Variants in LDLRAD4 observed in about 807,000 individuals in gnomAD.
LDLRAD4 encodes low-density lipoprotein receptor class A domain-containing protein 4.
Under a neutral mutation model 17.0 loss-of-function variants are expected in LDLRAD4, and 5 were observed. That is an observed-to-expected ratio of 0.29 (90% CI 0.15 to 0.62). LDLRAD4 has a LOEUF of 0.62. LDLRAD4 is among the 20% of genes least tolerant of loss of function. LDLRAD4 has a pLI of 0.84. For missense variants in LDLRAD4, 340 were observed against 424.7 expected (o/e 0.80, Z 1.75); for synonymous variants, 168 against 171.8 (o/e 0.98, Z 0.17).
In LDLRAD4 at chr18:13,386,373, ATT is replaced by A. The variant is rs5823250; in HGVS notation, c.-382-957_-382-956del. ...TGTAAAATGCTTTTATTATTATTCT[ATT>A]TTTTTTTTTTGAGATGGAGTTTTGC... On this transcript the variant is annotated intron_variant, in intron 1 of 5. Transcript: ENST00000359446. 6.9e-3 allele frequency among the ~76,000 whole-genome samples: 1,028 copies of A among 148,238 alleles called. 16 individuals are homozygous for A. The highest frequency in any genetic ancestry group is 0.024 in the African/African-American group (963 of 40,526).
At chr18:13,508,078 G>A (rs978892203) in intron 3 of LDLRAD4, among the ~76,000 whole-genome samples, 6 of 149,254 alleles carry the variant, frequency 4.0e-5, no homozygotes, top group Non-Finnish European at 7.4e-5. Context: ...TTGTTGACAT[G>A]AAGAAAGTTT....
intron 3 of LDLRAD4, among the ~76,000 whole-genome samples, chr18:13,541,861 C>T (rs1158158374): frequency 6.6e-6 from 1 of 152,086 alleles, no homozygotes; most frequent in African/African-American, 2.4e-5. Context: ...AGCTTAAGGC[C>T]AGAAGTTCGA....
At chr18:13,489,697 T>C (rs1351991002) in intron 3 of LDLRAD4, 3 of 152,252 alleles carry the variant, frequency 2.0e-5, no homozygotes, top group Middle Eastern at 3.1e-3. Flanking sequence ...TGTATTCTTC[T>C]GTGACCACCT....
chr18:13,296,593 TA>T (rs58951679), intron 1 of LDLRAD4, among the ~76,000 whole-genome samples: 1 of 149,150 alleles, frequency 6.7e-6, no homozygotes. Flanking sequence ...TTTTTTTTTT[TA>T]AAGAACTCTT....
In LDLRAD4 at chr18:13,326,269, C is replaced by T. The variant is rs985435220; in HGVS notation, c.-383+48081C>T. Among the ~76,000 whole-genome samples, 4 of 151,986 alleles carry T rather than the reference C, an allele frequency of 2.6e-5. 1 individual carries two copies. The highest frequency in any genetic ancestry group is 5.9e-5 in the Non-Finnish European group (4 of 68,026). ...ATGTTTCCTTAAAGGGGGGAAGGCT[C>T]GGAAGAGGGGCAGGTGGGCTGTAAG... On this transcript the variant is annotated intron_variant, in intron 1 of 5. Transcript: ENST00000359446.
intron 2 of LDLRAD4, among the ~76,000 whole-genome samples, chr18:13,423,309 A>T (rs1233624184): frequency 1.3e-5 from 2 of 152,032 alleles, no homozygotes; most frequent in Non-Finnish European, 2.9e-5. Flanking sequence ...CCTGGCCAAC[A>T]TGGAGAAACT....
intron 1 of LDLRAD4, among the ~76,000 whole-genome samples, chr18:13,328,909 T>C (rs2081683596): frequency 6.6e-6 from 1 of 152,246 alleles, no homozygotes; most frequent in African/African-American, 2.4e-5. Context: ...ATTTATCTTT[T>C]ATGTATAAGT....
intron 3 of LDLRAD4, among the ~76,000 whole-genome samples, chr18:13,537,656 G>C (rs1164255869): frequency 6.6e-6 from 1 of 152,106 alleles, no homozygotes; most frequent in Admixed American, 6.5e-5. Flanking sequence ...GACCCCTGCC[G>C]TACAGTATAG....
intron 1 of LDLRAD4, among the ~76,000 whole-genome samples, chr18:13,319,310 G>A (rs1050771509): frequency 5.3e-5 from 8 of 152,188 alleles, no homozygotes; most frequent in South Asian, 4.1e-4. Flanking sequence ...ACAGAGGTGC[G>A]CAGTGGCGGG....
At chr18:13,590,158 C>T (rs116172650) in intron 3 of LDLRAD4, among the ~76,000 whole-genome samples, 2,750 of 148,858 alleles carry the variant, frequency 0.018, 70 homozygotes, top group African/African-American at 0.064. Context: ...GGTGTGGGTA[C>T]GCATGTGCGT....
intron 2 of LDLRAD4, among the ~76,000 whole-genome samples, chr18:13,415,452 C>T (rs2088791420): frequency 6.6e-6 from 1 of 151,314 alleles, no homozygotes; most frequent in Non-Finnish European, 1.5e-5. Flanking sequence ...GCCCTGAGGC[C>T]AAGGCCCCGG....
intron 3 of LDLRAD4, among the ~76,000 whole-genome samples, chr18:13,503,038 A>C (rs1167389224): frequency 1.3e-5 from 2 of 152,244 alleles, no homozygotes; most frequent in East Asian, 1.9e-4. Context: ...TGAGAGGCTG[A>C]TGGTATTACA....
intron 3 of LDLRAD4, among the ~76,000 whole-genome samples, chr18:13,573,865 G>T (rs193159013): frequency 2.1e-4 from 32 of 152,154 alleles, no homozygotes; most frequent in Non-Finnish European, 7.4e-5. Context: ...TCCTGGAGAG[G>T]GATTAGAAGC....
intron 1 of LDLRAD4, among the ~76,000 whole-genome samples, chr18:13,376,033 A>T (rs910210629): frequency 6.6e-6 from 1 of 152,126 alleles, no homozygotes; most frequent in Non-Finnish European, 1.5e-5. Flanking sequence ...GGAGGAGTGA[A>T]ATCAAGTCCT....
At chr18:13,641,620 C>T (rs976192485) in intron 4 of LDLRAD4, 1 of 305,524 alleles carries the variant, frequency 3.3e-6, no homozygotes, top group Non-Finnish European at 4.8e-6. Flanking sequence ...ATGCGGGGCC[C>T]GAGGACTGGG....
intron 3 of LDLRAD4, among the ~76,000 whole-genome samples, chr18:13,620,101 G>T (rs1340167601): frequency 6.6e-6 from 1 of 152,088 alleles, no homozygotes; most frequent in African/African-American, 2.4e-5. Flanking sequence ...GCACACAGTC[G>T]TAGCCACTGG....
chr18:13,420,757 C>G (rs1234799827), intron 2 of LDLRAD4: 1 of 152,288 alleles, frequency 6.6e-6, no homozygotes. Flanking sequence ...CTGGTCAGCC[C>G]TGAATCCCTG....
intron 1 of LDLRAD4, among the ~76,000 whole-genome samples, chr18:13,348,496 C>T (rs1414682013): frequency 5.3e-5 from 8 of 152,186 alleles, no homozygotes; most frequent in African/African-American, 7.2e-5. Flanking sequence ...TGGGGTGCCT[C>T]CCAGTTAGGC....
intron 1 of LDLRAD4, among the ~76,000 whole-genome samples, chr18:13,352,492 A>T (rs181315518): frequency 2.6e-5 from 4 of 152,036 alleles, no homozygotes; most frequent in African/African-American, 4.8e-5. Context: ...TATCTTTTGT[A>T]TATGATGGTT....
Sources: allele counts gnomAD v4.1 joint callset (sites outside exome capture counted in the v4.1 genomes callset), GRCh38; gene constraint gnomAD v4.1.1; transcripts MANE v1.5; gene names NCBI Gene and HGNC (gene_info 2026-07-23, HGNC 2026-07-21).